Variants in PDE11A observed in about 807,000 individuals in gnomAD.
PDE11A encodes phosphodiesterase 11A.
Under a neutral mutation model 100.5 loss-of-function variants are expected in PDE11A, and 100 were observed. That is an observed-to-expected ratio of 1.00 (90% CI 0.85 to 1.18). PDE11A has a LOEUF of 1.18. Among genes scored for constraint, PDE11A ranks in the 50% most tolerant of loss-of-function variants. The pLI is 0.00. For missense variants in PDE11A, 1,141 were observed against 1,152.6 expected (o/e 0.99, Z 0.15); for synonymous variants, 381 against 420.8 (o/e 0.91, Z 1.16).
chr2:177,896,535 CAGCCAA>C, intron 4 of PDE11A, among the ~76,000 whole-genome samples: 1 of 152,172 alleles, frequency 6.6e-6, no homozygotes, highest in Non-Finnish European at 1.5e-5. Flanking sequence ...GTTATCCTGG[CAGCCAA>C]AGCCCCAACA....
At chr2:177,740,994 C>T (rs1050397499) in intron 10 of PDE11A, among the ~76,000 whole-genome samples, 1 of 152,156 alleles carries the variant, frequency 6.6e-6, no homozygotes, top group Non-Finnish European at 1.5e-5. Context: ...GTGTCCTATT[C>T]TGAGAAGGGA....
rs567034605 is a variant in PDE11A, at chr2:177,837,835, T to C, written c.1500+2416A>G. Among the ~76,000 whole-genome samples the C allele has an allele frequency of 9.3e-4, 142 of 152,324 alleles. 1 individual carries two copies. In the Middle Eastern group the frequency reaches 0.01, roughly 11 times the overall value. On this transcript the variant is annotated intron_variant, in intron 6 of 19. Transcript: ENST00000286063. Reference sequence around the variant, plus strand: ...TGGTAAAGTTCAAAAGCCAGAAATATTGGCTGCTTGACATGGCTAAAGTCA... The same window carrying C: ...TGGTAAAGTTCAAAAGCCAGAAATACTGGCTGCTTGACATGGCTAAAGTCA...
chr2:177,763,418 A>C (rs1414635621), intron 10 of PDE11A, among the ~76,000 whole-genome samples: 2 of 152,180 alleles, frequency 1.3e-5, no homozygotes, highest in Non-Finnish European at 2.9e-5. Flanking sequence ...CTGGAAAGCC[A>C]CTGTTGGGAT....
At position 177,731,490 on chromosome 2, in the gene PDE11A, G is replaced by C. The variant is rs75672742; in HGVS notation, c.1789-3318C>G. 2.6e-3 allele frequency among the ~76,000 whole-genome samples: 398 copies of C among 152,246 alleles called. 5 individuals carry two copies. The East Asian group carries it at 0.045, about 17-fold the overall frequency. On this transcript the variant is annotated intron_variant, in intron 10 of 19. Coordinates refer to ENST00000286063, the MANE Select transcript of PDE11A (RefSeq NM_016953.4). ...CTAGCGGGGAAGCAGGTTGGAGGAG[G>C]AGTCTCAGCATTGGTTTCCTGTTCA...
chr2:177,977,262 G>T, intron 2 of PDE11A, among the ~76,000 whole-genome samples: 2 of 132,664 alleles, frequency 1.5e-5, no homozygotes, highest in African/African-American at 5.6e-5. Context: ...CAAAATCAAT[G>T]TACAAAAATC....
intron 2 of PDE11A, among the ~76,000 whole-genome samples, chr2:177,981,004 AC>A (rs2085874383): frequency 1.4e-5 from 2 of 147,394 alleles, no homozygotes; most frequent in African/African-American, 4.9e-5. Context: ...ACACACACAC[AC>A]ACACACACAC....
intron 2 of PDE11A, chr2:178,104,180 T>C: frequency 1.2e-6 from 1 of 855,776 alleles, no homozygotes; most frequent in Non-Finnish European, 2.0e-6. Flanking sequence ...CATATTTCAG[T>C]AATATGTAAA....
chr2:177,654,240 T>G (rs2080349264), intron 19 of PDE11A, among the ~76,000 whole-genome samples: 1 of 152,188 alleles, frequency 6.6e-6, no homozygotes, highest in African/African-American at 2.4e-5. Context: ...AATGTGAAAG[T>G]TGGATGCGGT....
chr2:177,984,601 G>C (rs1462117601), intron 2 of PDE11A, among the ~76,000 whole-genome samples: 1 of 151,902 alleles, frequency 6.6e-6, no homozygotes, highest in Non-Finnish European at 1.5e-5. Flanking sequence ...CTCCTCCATG[G>C]TTATAAAAAT....
At chr2:178,100,066 T>C (rs1273097151) in intron 2 of PDE11A, among the ~76,000 whole-genome samples, 1 of 152,196 alleles carries the variant, frequency 6.6e-6, no homozygotes, top group African/African-American at 2.4e-5. Flanking sequence ...GGCAGTCAAA[T>C]TCACAGACAA....
chr2:177,874,808 G>A (rs1425684629), intron 5 of PDE11A, among the ~76,000 whole-genome samples: 1 of 152,168 alleles, frequency 6.6e-6, no homozygotes, highest in East Asian at 1.9e-4. Flanking sequence ...GATGTGAAAA[G>A]AAACTGAAAC....
At chr2:177,927,701 G>T (rs1310518528) in intron 2 of PDE11A, among the ~76,000 whole-genome samples, 2 of 152,162 alleles carry the variant, frequency 1.3e-5, no homozygotes, top group Non-Finnish European at 2.9e-5. Flanking sequence ...CTTTGAGAAA[G>T]AAATACTAAC....
At chr2:177,659,795 C>CCT (rs2080447639) in intron 19 of PDE11A, among the ~76,000 whole-genome samples, 2 of 151,806 alleles carry the variant, frequency 1.3e-5, no homozygotes, top group Admixed American at 6.6e-5. Context: ...TTTTTTTCCC[C>CCT]CTCCAAAGAC....
rs571322116 is a variant in PDE11A, at chr2:177,998,575, C to T, written c.1071+15727G>A. 1.2e-5 allele frequency: 15 copies of T among 1,293,840 alleles called. No individual in the cohort carries two copies. In the South Asian group the frequency reaches 1.5e-4, roughly 13 times the overall value. The allele number at this position is 1,293,840 out of a possible 1,614,324, so 80.1% of individuals were successfully genotyped here. Reference sequence around the variant, plus strand: ...TCATCTTCACAGAGGTCTAACTGTGCATTGATAGCAGAATCAGCCAATTCT... The same window carrying T: ...TCATCTTCACAGAGGTCTAACTGTGTATTGATAGCAGAATCAGCCAATTCT... On this transcript the variant is annotated intron_variant, in intron 2 of 19. Coordinates refer to ENST00000286063, the MANE Select transcript of PDE11A (RefSeq NM_016953.4).
intron 2 of PDE11A, among the ~76,000 whole-genome samples, chr2:177,931,239 T>C (rs1475394401): frequency 6.6e-6 from 1 of 152,222 alleles, no homozygotes; most frequent in East Asian, 1.9e-4. Flanking sequence ...CGTTCTATTT[T>C]ATTTATTTTT....
chr2:178,096,515 CAA>C (rs1355651109), intron 2 of PDE11A, among the ~76,000 whole-genome samples: 1 of 152,002 alleles, frequency 6.6e-6, no homozygotes. Context: ...GCAAATTTTC[CAA>C]ACTTTTATGC....
At chr2:177,898,739 C>A (rs562932455) in intron 3 of PDE11A, among the ~76,000 whole-genome samples, 3 of 152,120 alleles carry the variant, frequency 2.0e-5, no homozygotes, top group Non-Finnish European at 4.4e-5. Context: ...GTTAAATATA[C>A]TCTTTTAAAT....
At chr2:178,049,788 C>A (rs2105855928) in intron 1 of PDE11A, among the ~76,000 whole-genome samples, 1 of 152,254 alleles carries the variant, frequency 6.6e-6, no homozygotes, top group East Asian at 1.9e-4. Flanking sequence ...TGCAAGGCAG[C>A]AGCGAGGCTT....
At chr2:177,651,706 G>T (rs1200679949) in intron 19 of PDE11A, among the ~76,000 whole-genome samples, 1 of 151,492 alleles carries the variant, frequency 6.6e-6, no homozygotes, top group East Asian at 1.9e-4. Flanking sequence ...AGATTTTTCA[G>T]CTGTTCAGAT....
Sources: gnomAD v4.1 joint callset for allele counts (sites outside exome capture counted in the v4.1 genomes callset) on GRCh38, gnomAD v4.1.1 for gene constraint, MANE v1.5 for transcripts, NCBI Gene and HGNC (gene_info 2026-07-23, HGNC 2026-07-21) for gene names.